Variants in CCDC171 observed in about 807,000 individuals in gnomAD.
CCDC171 encodes the protein coiled-coil domain-containing protein 171.
In CCDC171, 177 loss-of-function variants were observed where a neutral mutation model predicts 168.2. The ratio of observed to expected loss-of-function variants is 1.05; its 90% CI spans 0.93 to 1.19. CCDC171 has a LOEUF of 1.19. Ranked by LOEUF, CCDC171 falls within the 50% of genes most tolerant of loss-of-function variation. The pLI is 0.00. For synonymous variants in CCDC171, 687 were observed against 540.8 expected (o/e 1.27, Z -3.75); for missense variants, 1,991 against 1,539.0 (o/e 1.29, Z -4.91).
chr9:15,775,976 T>C (rs2057303035), intron 18 of CCDC171, among the ~76,000 whole-genome samples: 1 of 152,196 alleles, frequency 6.6e-6, no homozygotes, highest in Non-Finnish European at 1.5e-5. Context: ...ATATTAGGTA[T>C]TGAAATGATA....
the CCDC171 span, among the ~76,000 whole-genome samples, chr9:16,091,505 G>T: frequency 6.6e-6 from 1 of 152,160 alleles, no homozygotes; most frequent in Non-Finnish European, 1.5e-5. Flanking sequence ...AGCACCAAAT[G>T]CTCTGGGACA....
intron 23 of CCDC171, among the ~76,000 whole-genome samples, chr9:15,873,100 A>C (rs1817394220): frequency 6.6e-6 from 1 of 151,982 alleles, no homozygotes; most frequent in South Asian, 2.1e-4. Context: ...ACATTCTCTT[A>C]TTGACAGAAA....
rs902775873 is a variant in CCDC171, at chr9:15,845,697, T to G, written c.3268-1005T>G. On this transcript the variant is annotated intron_variant, in intron 21 of 25. Transcript: ENST00000380701. Reference sequence around the variant, plus strand: ...GCTAAACTGAGCAAGAAGAAAACATTATGTGTATGCACTCAATTATTTAGC... The same window carrying G: ...GCTAAACTGAGCAAGAAGAAAACATGATGTGTATGCACTCAATTATTTAGC... The G allele has an allele frequency of 3.3e-5, 5 of 152,202 alleles. No homozygotes were observed. In the South Asian group the frequency reaches 1.0e-3, roughly 32 times the overall value. The allele number at this position is 152,202 out of a possible 1,614,324, so 9.4% of individuals were successfully genotyped here. A position where few individuals can be genotyped will look rare whatever the true frequency, so the allele number is the denominator to read the frequency against.
intron 10 of CCDC171, among the ~76,000 whole-genome samples, chr9:15,685,677 C>T (rs148586640): frequency 2.0e-5 from 3 of 151,742 alleles, no homozygotes; most frequent in Admixed American, 6.6e-5. Flanking sequence ...ATTTAAAAAA[C>T]AAAACAAAAT....
intron 24 of CCDC171, chr9:15,886,706 A>T (rs1332256317): frequency 6.6e-6 from 1 of 151,964 alleles, no homozygotes; most frequent in Non-Finnish European, 1.5e-5. Flanking sequence ...CAAGATATAG[A>T]AACAACCTAA....
chr9:15,694,739 C>G (rs2051081470), intron 10 of CCDC171, among the ~76,000 whole-genome samples: 1 of 152,218 alleles, frequency 6.6e-6, no homozygotes, highest in Non-Finnish European at 1.5e-5. Flanking sequence ...CTGTCCAGTG[C>G]TTCCATTCCC....
chr9:15,591,496 T>A lies in CCDC171; in HGVS notation c.483T>A (p.Asn161Lys), dbSNP rs2042005403. ...AGGAAAGAGACAATATGATCCAAAA[T>A]TGCAATCGAGAATATGATTTACTTA... ...DLEERDNMIQ[N>K]CNREYDLLMK... is the part of the protein sequence containing the mutation. The change falls in exon 5 of 26, where the codon AAT becomes AAA. Residue 161 changes from asparagine to lysine, a missense_variant. Coordinates refer to ENST00000380701, the MANE Select transcript of CCDC171 (RefSeq NM_173550.4). 2 of 1,605,712 alleles carry A rather than the reference T, an allele frequency of 1.2e-6. No individual in the cohort carries two copies. The highest frequency in any genetic ancestry group is 1.7e-6 in the Non-Finnish European group (2 of 1,175,684).
chr9:15,800,357 A>G (rs532924997), intron 21 of CCDC171, among the ~76,000 whole-genome samples: 1 of 152,248 alleles, frequency 6.6e-6, no homozygotes, highest in East Asian at 1.9e-4. Flanking sequence ...CATTTCTCTG[A>G]TGATCAATGA....
intron 7 of CCDC171, among the ~76,000 whole-genome samples, chr9:15,634,964 G>A (rs547458999): frequency 5.9e-5 from 9 of 152,122 alleles, no homozygotes; most frequent in Non-Finnish European, 8.8e-5. Flanking sequence ...GTTGCAGCAT[G>A]TATTAGTGCT....
intron 21 of CCDC171, among the ~76,000 whole-genome samples, chr9:15,792,361 A>G (rs1021592760): frequency 1.3e-5 from 2 of 152,228 alleles, no homozygotes; most frequent in African/African-American, 4.8e-5. Context: ...TGTACCTGAA[A>G]GTGACGGGGA....
chr9:15,984,857 G>C (rs973692915), intron 3 of CCDC171, among the ~76,000 whole-genome samples: 8 of 152,058 alleles, frequency 5.3e-5, no homozygotes, highest in Non-Finnish European at 7.4e-5. Context: ...ATTGTGCTAA[G>C]TTTAAAGTCA....
chr9:15,754,371 A>G (rs1449568069), intron 18 of CCDC171, among the ~76,000 whole-genome samples: 1 of 152,108 alleles, frequency 6.6e-6, no homozygotes, highest in Non-Finnish European at 1.5e-5. Context: ...TGAAGATATT[A>G]TCTTCCTCCT....
chr9:15,831,103 G>T (rs2060212188), intron 21 of CCDC171, among the ~76,000 whole-genome samples: 1 of 151,092 alleles, frequency 6.6e-6, no homozygotes, highest in South Asian at 2.1e-4. Flanking sequence ...CTGAATAGCT[G>T]GGACTACAGG....
In CCDC171 at chr9:15,875,334, G is replaced by A. The variant is rs186438567; in HGVS notation, c.3600+671G>A. On this transcript the variant is annotated intron_variant, in intron 24 of 25. Transcript: ENST00000380701. ...CTTATTTTTAGAAACATTCATTTTC[G>A]GATGCTGTAGGTATCCTTCTATTTT... The A allele has an allele frequency of 4.2e-4, 64 of 151,510 alleles. 1 individual carries two copies. Among genetic ancestry groups the A allele is most frequent in the Admixed American group, 3.8e-3 (58 of 15,218 alleles). The allele number at this position is 151,510 out of a possible 1,614,324, so 9.4% of individuals were successfully genotyped here.
intron 25 of CCDC171, among the ~76,000 whole-genome samples, chr9:15,949,128 G>C (rs1317846391): frequency 6.6e-6 from 1 of 152,070 alleles, no homozygotes; most frequent in Non-Finnish European, 1.5e-5. Context: ...AGATCAGATA[G>C]TTGTAGATAT....
chr9:15,573,943 A>T (rs903872026), intron 3 of CCDC171, among the ~76,000 whole-genome samples: 3 of 152,074 alleles, frequency 2.0e-5, no homozygotes, highest in Admixed American at 6.5e-5. Flanking sequence ...ATATGTTTAT[A>T]GTTGTCATTA....
chr9:15,944,580 T>C (rs1215938153), intron 25 of CCDC171, among the ~76,000 whole-genome samples: 6 of 152,020 alleles, frequency 3.9e-5, no homozygotes, highest in African/African-American at 7.2e-5. Flanking sequence ...TTATTACGTA[T>C]TGAAGCAAAT....
At chr9:15,590,163 G>C (rs985384569) in intron 4 of CCDC171, among the ~76,000 whole-genome samples, 1 of 152,216 alleles carries the variant, frequency 6.6e-6, no homozygotes, top group Non-Finnish European at 1.5e-5. Context: ...TGCTGGATGA[G>C]AGACCATGGA....
At chr9:15,753,702 C>T (rs1044294748) in intron 18 of CCDC171, among the ~76,000 whole-genome samples, 1 of 152,088 alleles carries the variant, frequency 6.6e-6, no homozygotes, top group African/African-American at 2.4e-5. Context: ...GTGCCTCTTA[C>T]AGCTAGAGGA....
Sources: gnomAD v4.1 joint callset for allele counts (sites outside exome capture counted in the v4.1 genomes callset) on GRCh38, gnomAD v4.1.1 for gene constraint, MANE v1.5 for transcripts, NCBI Gene and HGNC (gene_info 2026-07-23, HGNC 2026-07-21) for gene names.